The following THSD7B variants were observed in gnomAD, a reference collection of about 807,000 sequenced individuals.
The protein encoded by THSD7B is thrombospondin type 1 domain containing 7B.
A neutral mutation model predicts 213.6 loss-of-function variants in THSD7B; 138 were observed. The ratio of observed to expected loss-of-function variants is 0.65; its 90% CI spans 0.56 to 0.74. THSD7B has a LOEUF of 0.74. Among genes scored for constraint, THSD7B ranks in the 30% least tolerant of loss-of-function variants. THSD7B has a pLI of 0.00. For synonymous variants in THSD7B, 742 were observed against 687.0 expected, an observed-to-expected ratio of 1.08 and a Z score of -1.25; for missense variants, 1,931 against 1,991.5, an observed-to-expected ratio of 0.97 and a Z score of 0.58.
intron 20 of THSD7B, among the ~76,000 whole-genome samples, chr2:137,632,637 C>G (rs1682762694): frequency 6.6e-6 from 1 of 152,164 alleles, no homozygotes; most frequent in South Asian, 2.1e-4. Flanking sequence ...TATACATACT[C>G]TACCATTGAA....
intron 12 of THSD7B, among the ~76,000 whole-genome samples, chr2:137,361,663 C>A (rs377763299): frequency 2.6e-5 from 4 of 151,994 alleles, no homozygotes; most frequent in African/African-American, 9.7e-5. Flanking sequence ...TGAAATGAAG[C>A]GCGAAGAGAA....
intron 15 of THSD7B, among the ~76,000 whole-genome samples, chr2:137,521,216 G>A (rs946452522): frequency 1.1e-4 from 16 of 152,140 alleles, no homozygotes; most frequent in African/African-American, 3.6e-4. Flanking sequence ...AGATTCTATA[G>A]TCCTTACTTA....
intron 12 of THSD7B, among the ~76,000 whole-genome samples, chr2:137,281,971 A>G (rs903713208): frequency 6.6e-6 from 1 of 152,200 alleles, no homozygotes; most frequent in Middle Eastern, 3.2e-3. Context: ...TCCTTGAGGA[A>G]TCACCACACT....
chr2:137,084,607 C>A (rs1435750625), intron 3 of THSD7B, among the ~76,000 whole-genome samples: 4 of 152,100 alleles, frequency 2.6e-5, no homozygotes, highest in African/African-American at 7.2e-5. Flanking sequence ...CACTTCTAAG[C>A]CAAAGTCATA....
Position 137,089,266 on chromosome 2 carries a change from G to GTGTGTATGTATATATACATATATA in THSD7B, c.951-5602_951-5601insATGTATATATACATATATATGTGT, listed in dbSNP as rs1558916441. 1.8e-3 allele frequency among the ~76,000 whole-genome samples: 234 copies of GTGTGTATGTATATATACATATATA among 129,854 alleles called. 2 individuals are homozygous for GTGTGTATGTATATATACATATATA. The highest frequency in any genetic ancestry group is 7.1e-3 in the African/African-American group (178 of 25,232). The allele number at this position is 129,854 out of a possible 152,430, so 85.2% of individuals were successfully genotyped here. ...AAGTGGTGTGTGTGTGTGTGTGTGT[G>GTGTGTATGTATATATACATATATA]TGTGTGTGTATATGTATATATACAT... On this transcript the variant is annotated intron_variant, in intron 3 of 27. Coordinates refer to ENST00000409968, the MANE Select transcript of THSD7B (RefSeq NM_001316349.2).
At chr2:137,485,816 C>T (rs1362989636) in intron 15 of THSD7B, among the ~76,000 whole-genome samples, 1 of 152,136 alleles carries the variant, frequency 6.6e-6, no homozygotes, top group Admixed American at 6.5e-5. Context: ...ACTCTACAAG[C>T]CAGAAGAGAG....
chr2:137,313,437 C>G (rs1050356491), intron 12 of THSD7B, among the ~76,000 whole-genome samples: 2 of 123,990 alleles, frequency 1.6e-5, no homozygotes, highest in Admixed American at 1.5e-4. Flanking sequence ...ATACAGCACA[C>G]TGATGGTCTT....
chr2:136,784,450 A>G (rs905173102), intron 1 of THSD7B, among the ~76,000 whole-genome samples: 1 of 152,142 alleles, frequency 6.6e-6, no homozygotes, highest in Non-Finnish European at 1.5e-5. Flanking sequence ...TATTGCAAAG[A>G]TGATATTTAT....
intron 2 of THSD7B, among the ~76,000 whole-genome samples, chr2:136,993,454 G>C (rs1685824564): frequency 6.6e-6 from 1 of 152,220 alleles, no homozygotes; most frequent in South Asian, 2.1e-4. Flanking sequence ...CAAATAGTAA[G>C]TGACATTTAG....
chr2:137,237,208 T>C (rs1009626326), intron 9 of THSD7B, among the ~76,000 whole-genome samples: 8 of 152,068 alleles, frequency 5.3e-5, no homozygotes, highest in African/African-American at 1.2e-4. Context: ...AATATATTCA[T>C]TGAAATGGAA....
chr2:136,822,450 T>G (rs1682580757), intron 1 of THSD7B, among the ~76,000 whole-genome samples: 2 of 152,244 alleles, frequency 1.3e-5, no homozygotes. Flanking sequence ...GAGAAATCAC[T>G]GTCAAGCACC....
chr2:137,313,441 T>TG (rs375404556), intron 12 of THSD7B, among the ~76,000 whole-genome samples: 59,024 of 150,330 alleles, frequency 0.39, 12,074 homozygotes, highest in Non-Finnish European at 0.45. Context: ...AGCACACTGA[T>TG]GGTCTTGACT....
chr2:137,316,219 A>C (rs556853500), intron 12 of THSD7B, among the ~76,000 whole-genome samples: 16 of 152,342 alleles, frequency 1.1e-4, no homozygotes, highest in Non-Finnish European at 2.2e-4. Context: ...AAATACCACA[A>C]CCGATACCTT....
chr2:137,674,525 C>T (rs906293940), intron 27 of THSD7B, among the ~76,000 whole-genome samples: 5 of 152,150 alleles, frequency 3.3e-5, no homozygotes, highest in Admixed American at 3.3e-4. Context: ...CCCAGGACTC[C>T]ATGTCAAGTG....
intron 1 of THSD7B, among the ~76,000 whole-genome samples, chr2:136,805,689 G>A (rs1486606680): frequency 2.6e-5 from 4 of 152,188 alleles, no homozygotes; most frequent in African/African-American, 7.2e-5. Flanking sequence ...CTGCTGATTG[G>A]GTTTGGCTAG....
chr2:136,903,023 G>A (rs1684088466), intron 2 of THSD7B, among the ~76,000 whole-genome samples: 2 of 152,182 alleles, frequency 1.3e-5, no homozygotes, highest in African/African-American at 4.8e-5. Flanking sequence ...TGGCCCAGTT[G>A]TGCCTCCCTG....
At chr2:137,155,330 G>A (rs1014155290) in intron 5 of THSD7B, among the ~76,000 whole-genome samples, 2 of 152,158 alleles carry the variant, frequency 1.3e-5, no homozygotes, top group Non-Finnish European at 2.9e-5. Context: ...AAGGTGACAT[G>A]GTCTAAGAGG....
chr2:137,367,785 A>G (rs1685454501), intron 12 of THSD7B, among the ~76,000 whole-genome samples: 1 of 152,052 alleles, frequency 6.6e-6, no homozygotes, highest in Non-Finnish European at 1.5e-5. Flanking sequence ...GCCTTTCCTC[A>G]GTGTGTGCGT....
chr2:137,438,974 A>G (rs1295191563), intron 14 of THSD7B, among the ~76,000 whole-genome samples: 2 of 152,100 alleles, frequency 1.3e-5, no homozygotes, highest in Non-Finnish European at 2.9e-5. Context: ...AACAAAGGGG[A>G]AACAACCATG....
Sources: gnomAD v4.1 joint callset for allele counts (sites outside exome capture counted in the v4.1 genomes callset) on GRCh38, gnomAD v4.1.1 for gene constraint, MANE v1.5 for transcripts, NCBI Gene and HGNC (gene_info 2026-07-23, HGNC 2026-07-21) for gene names.